NTRK2: variants seen among roughly 807,000 people sequenced by gnomAD.
NTRK2 encodes the protein neurotrophic receptor tyrosine kinase 2.
Under a neutral mutation model 94.5 loss-of-function variants are expected in NTRK2, and 13 were observed. The ratio of observed to expected loss-of-function variants is 0.14; its 90% CI spans 0.09 to 0.22. The LOEUF (loss-of-function observed/expected upper bound fraction) is 0.22, where lower values mean the gene tolerates loss of function less well. Among genes scored for constraint, NTRK2 ranks in the 10% least tolerant of loss-of-function variants. NTRK2 has a pLI of 1.00. For missense variants in NTRK2, 639 were observed against 1,071.2 expected, an observed-to-expected ratio of 0.60 and a Z score of 5.63; for synonymous variants, 372 against 407.4, an observed-to-expected ratio of 0.91 and a Z score of 1.05.
chr9:84,687,853 T>C (rs1025946389), intron 2 of NTRK2, among the ~76,000 whole-genome samples: 5 of 152,282 alleles, frequency 3.3e-5, no homozygotes, highest in Non-Finnish European at 5.9e-5. Context: ...ATGGTCTGTT[T>C]CAAGGGCACA....
intron 15 of NTRK2, among the ~76,000 whole-genome samples, chr9:84,934,996 A>C (rs1456959952): frequency 6.6e-6 from 1 of 152,234 alleles, no homozygotes; most frequent in East Asian, 1.9e-4. Context: ...TCTCTAAAAC[A>C]CAAGAATTAA....
At chr9:84,778,008 T>C (rs1316661340) in intron 12 of NTRK2, among the ~76,000 whole-genome samples, 1 of 152,180 alleles carries the variant, frequency 6.6e-6, no homozygotes, top group Non-Finnish European at 1.5e-5. Flanking sequence ...ACGCCTGTAA[T>C]GTCAACATTT....
intron 14 of NTRK2, among the ~76,000 whole-genome samples, chr9:84,879,885 A>G (rs1034337411): frequency 1.3e-5 from 2 of 152,194 alleles, no homozygotes; most frequent in Non-Finnish European, 2.9e-5. Flanking sequence ...CTGATAAAGG[A>G]GGAACCTGCC....
rs115546114 is a variant in NTRK2, at chr9:84,874,395, C to T, written c.1633+6964C>T. 3.5e-4 allele frequency: 368 copies of T among 1,065,460 alleles called. 2 individuals carry two copies. In the African/African-American group the frequency reaches 5.5e-3, roughly 16 times the overall value. 66.0% of individuals were successfully genotyped at this position (1,065,460 alleles called of 1,614,324 possible). A position where few individuals can be genotyped will look rare whatever the true frequency, so the allele number is the denominator to read the frequency against. On this transcript the variant is annotated intron_variant, in intron 14 of 18. Transcript: ENST00000277120. ...TCTCCCTGGGAAATGCAGCTTTTCT[C>T]TGTCTTTACTAATTCTGCCAGCCTG...
chr9:85,023,060 G>A lies in NTRK2; in HGVS notation c.*1623G>A, dbSNP rs200579489. ...TCAAAAAGTCAAAATACAAAATTTGGCACAGCATGCCAACGGGAGGCTGTG... is the reference window on the plus strand; with the variant it reads ...TCAAAAAGTCAAAATACAAAATTTGACACAGCATGCCAACGGGAGGCTGTG... On this transcript the variant is annotated 3_prime_UTR_variant, in exon 19 of 19. Coordinates refer to ENST00000277120, the MANE Select transcript of NTRK2 (RefSeq NM_006180.6). 11 of 232,826 alleles carry A rather than the reference G, an allele frequency of 4.7e-5. No homozygotes were observed. Among genetic ancestry groups the A allele is most frequent in the Non-Finnish European group, 8.5e-5 (10 of 117,926 alleles). 14.4% of individuals were successfully genotyped at this position (232,826 alleles called of 1,614,324 possible).
chr9:85,005,897 A>T (rs992852361), intron 17 of NTRK2, among the ~76,000 whole-genome samples: 2 of 152,156 alleles, frequency 1.3e-5, no homozygotes, highest in African/African-American at 4.8e-5. Flanking sequence ...CACAGTATTT[A>T]TCACCACCTG....
At chr9:84,855,476 G>A (rs1156777495) in intron 12 of NTRK2, among the ~76,000 whole-genome samples, 2 of 152,106 alleles carry the variant, frequency 1.3e-5, no homozygotes, top group Admixed American at 6.5e-5. Flanking sequence ...GATGAAATCT[G>A]TGGATCTCCT....
Position 84,867,253 on chromosome 9 carries a change from C to T in NTRK2, c.1455C>T (p.Ser485=), listed in dbSNP as rs200550410. Residue 485 remains serine (S), a synonymous_variant, in exon 14 of 19, where the codon TCC becomes TCT. Coordinates refer to ENST00000277120, the MANE Select transcript of NTRK2 (RefSeq NM_006180.6). The part of the protein sequence containing the change: ...VKSRQGVGPA[S]VISNDDDSAS... ...TTTTTCCATCTCCAGGCCCAGCCTC[C>T]GTTATCAGCAATGATGATGACTCTG... 33 of 1,613,974 alleles carry T rather than the reference C, an allele frequency of 2.0e-5. No individual in the cohort carries two copies. The Middle Eastern group carries it at 5.0e-4, about 24-fold the overall frequency.
chr9:84,770,193 C>A (rs544560300), intron 12 of NTRK2, among the ~76,000 whole-genome samples: 1 of 151,184 alleles, frequency 6.6e-6, no homozygotes, highest in Admixed American at 6.6e-5. Flanking sequence ...CACACACACA[C>A]AAACACACAG....
intron 12 of NTRK2, chr9:84,815,286 C>T (rs2072272683): frequency 9.5e-7 from 1 of 1,052,270 alleles, no homozygotes; most frequent in Non-Finnish European, 1.1e-6. Flanking sequence ...CCCCTAACTA[C>T]TGACTATGAC....
intron 12 of NTRK2, among the ~76,000 whole-genome samples, chr9:84,781,972 GT>G (rs1029104053): frequency 6.6e-6 from 1 of 151,964 alleles, no homozygotes; most frequent in Non-Finnish European, 1.5e-5. Flanking sequence ...CTTGGAGGGT[GT>G]TCTAAAACTA....
intron 17 of NTRK2, among the ~76,000 whole-genome samples, chr9:85,002,534 T>C (rs1356399321): frequency 2.0e-5 from 3 of 152,160 alleles, no homozygotes; most frequent in African/African-American, 7.2e-5. Flanking sequence ...GCAACTTCAG[T>C]GATTTAATTT....
chr9:84,756,880 T>C (rs2065130550), intron 12 of NTRK2, among the ~76,000 whole-genome samples: 2 of 152,214 alleles, frequency 1.3e-5, no homozygotes, highest in East Asian at 3.8e-4. Context: ...CAGTTCAACT[T>C]TCTGCTCTTA....
chr9:84,727,591 C>A, intron 8 of NTRK2, 63 bp from the exon 9 acceptor site: 1 of 1,489,080 alleles, frequency 6.7e-7, no homozygotes, highest in Non-Finnish European at 9.3e-7. Context: ...ATGACACAGA[C>A]ATCTCGAGAT....
intron 17 of NTRK2, among the ~76,000 whole-genome samples, chr9:84,968,240 C>T (rs1825784413): frequency 6.6e-6 from 1 of 152,188 alleles, no homozygotes; most frequent in African/African-American, 2.4e-5. Context: ...CCATGCTCTT[C>T]CCACTCTGAA....
intron 16 of NTRK2, among the ~76,000 whole-genome samples, chr9:84,952,244 G>A (rs1045623341): frequency 1.3e-5 from 2 of 152,180 alleles, no homozygotes; most frequent in African/African-American, 4.8e-5. Flanking sequence ...AGAACTCATG[G>A]TCTTAACCAC....
intron 12 of NTRK2, among the ~76,000 whole-genome samples, chr9:84,832,660 T>TAACCTAGATAGAAAACCCCA (rs1317119581): frequency 1.2e-4 from 19 of 152,202 alleles, no homozygotes; most frequent in African/African-American, 4.3e-4. Flanking sequence ...ACGCAATCTT[T>TAACCTAGATAGAAAACCCCA]AACCTAGATA....
intron 14 of NTRK2, chr9:84,874,892 T>A (rs200927692): frequency 1.9e-6 from 2 of 1,057,104 alleles, no homozygotes; most frequent in Non-Finnish European, 2.3e-6. Context: ...CAATCCCAGT[T>A]GGTATAGGCC....
chr9:84,866,348 G>A (rs764764711), intron 13 of NTRK2, among the ~76,000 whole-genome samples: 8 of 152,094 alleles, frequency 5.3e-5, no homozygotes, highest in Non-Finnish European at 8.8e-5. Context: ...TACTAATCTC[G>A]TTCTAGTGTC....
Sources: allele counts gnomAD v4.1 joint callset (sites outside exome capture counted in the v4.1 genomes callset), GRCh38; gene constraint gnomAD v4.1.1; transcripts MANE v1.5; gene names NCBI Gene and HGNC (gene_info 2026-07-23, HGNC 2026-07-21).